Variants in DCC observed in about 807,000 individuals in gnomAD.
DCC encodes the protein netrin receptor DCC.
DCC carries 58 observed loss-of-function variants against 172.5 expected under a neutral mutation model. The ratio of observed to expected loss-of-function variants is 0.34; its 90% confidence interval spans 0.27 to 0.42. DCC has a LOEUF of 0.42. DCC is among the 10% of genes least tolerant of loss of function. The pLI is 1.00. For missense variants in DCC, 1,740 were observed against 1,791.0 expected, an observed-to-expected ratio of 0.97 and a Z score of 0.51; for synonymous variants, 709 against 644.5, an observed-to-expected ratio of 1.10 and a Z score of -1.52.
chr18:53,067,261 C>T (rs1446160562), intron 7 of DCC, among the ~76,000 whole-genome samples: 3 of 152,092 alleles, frequency 2.0e-5, no homozygotes, highest in Non-Finnish European at 4.4e-5. Flanking sequence ...TGGCTCATGC[C>T]TGTAATTCCA....
chr18:52,355,510 GA>G (rs1355240910), intron 1 of DCC, among the ~76,000 whole-genome samples: 6 of 152,242 alleles, frequency 3.9e-5, no homozygotes, highest in Admixed American at 1.3e-4. Flanking sequence ...TGACATTTTT[GA>G]AAAACATTAC....
At chr18:53,432,281 A>G (rs987410119) in intron 21 of DCC, among the ~76,000 whole-genome samples, 5 of 152,188 alleles carry the variant, frequency 3.3e-5, no homozygotes, top group African/African-American at 1.2e-4. Context: ...ATAGGCCTGC[A>G]TAGGATCTGA....
rs536786740 is a variant in DCC, at chr18:53,035,614, C to T, written c.986-27691C>T. 1.2e-3 allele frequency among the ~76,000 whole-genome samples: 187 copies of T among 152,072 alleles called. 2 individuals are homozygous for T. The highest frequency in any genetic ancestry group is 0.011 in the South Asian group (52 of 4,818). On this transcript the variant is annotated intron_variant, in intron 5 of 28. Coordinates refer to ENST00000442544, the MANE Select transcript of DCC (RefSeq NM_005215.4). ...ATATTATGAGCATATTGCTCAAAGC[C>T]GCTTGCTTAAAGAGGAACATTATAG...
chr18:52,608,972 CAT>C (rs2034193743), intron 1 of DCC, among the ~76,000 whole-genome samples: 1 of 152,134 alleles, frequency 6.6e-6, no homozygotes. Flanking sequence ...CAGCAAATCC[CAT>C]AAACTCCAGT....
chr18:53,512,212 A>C (rs2046265498), intron 27 of DCC, among the ~76,000 whole-genome samples: 1 of 152,038 alleles, frequency 6.6e-6, no homozygotes, highest in African/African-American at 2.4e-5. Flanking sequence ...CTGACACCTC[A>C]CACGGCAGGG....
At position 52,864,688 on chromosome 18, in the gene DCC, C is replaced by T. The variant is rs148559568; in HGVS notation, c.413-41356C>T. On this transcript the variant is annotated intron_variant, in intron 2 of 28. Transcript: ENST00000442544. Reference sequence around the variant, plus strand: ...CCTAATGCTATCCTTCCCCAGCCCCCAATCCCCCCAACAGGCCCCAGTGTG... The same window carrying T: ...CCTAATGCTATCCTTCCCCAGCCCCTAATCCCCCCAACAGGCCCCAGTGTG... Among the ~76,000 whole-genome samples, 186 of 152,062 alleles carry T rather than the reference C, an allele frequency of 1.2e-3. 1 individual carries two copies. The East Asian group carries it at 0.033, about 27-fold the overall frequency.
chr18:52,980,802 C>T (rs1053403017), intron 5 of DCC, among the ~76,000 whole-genome samples: 1 of 152,032 alleles, frequency 6.6e-6, no homozygotes, highest in Non-Finnish European at 1.5e-5. Context: ...TCTAATTTAT[C>T]TCAAGAAATA....
At chr18:53,173,068 A>G (rs558526465) in intron 8 of DCC, among the ~76,000 whole-genome samples, 3 of 152,166 alleles carry the variant, frequency 2.0e-5, no homozygotes, top group Non-Finnish European at 4.4e-5. Flanking sequence ...CATGTGCTCA[A>G]TCTCTTTGAG....
intron 5 of DCC, among the ~76,000 whole-genome samples, chr18:53,035,436 A>G (rs2042080231): frequency 6.6e-6 from 1 of 152,148 alleles, no homozygotes; most frequent in Non-Finnish European, 1.5e-5. Context: ...GGATTTCACT[A>G]TCTGCAGTAT....
intron 5 of DCC, among the ~76,000 whole-genome samples, chr18:52,987,295 A>T (rs1202903343): frequency 6.6e-6 from 1 of 152,150 alleles, no homozygotes; most frequent in Non-Finnish European, 1.5e-5. Flanking sequence ...GCTACCAAAA[A>T]CAAAAACAAA....
chr18:52,731,943 T>A (rs894063009), intron 1 of DCC, among the ~76,000 whole-genome samples: 12 of 152,190 alleles, frequency 7.9e-5, no homozygotes, highest in African/African-American at 2.7e-4. Flanking sequence ...CTGAGATAGC[T>A]TCTTAGGAGT....
At chr18:52,507,030 A>G (rs2031254309) in intron 1 of DCC, among the ~76,000 whole-genome samples, 1 of 152,176 alleles carries the variant, frequency 6.6e-6, no homozygotes, top group Non-Finnish European at 1.5e-5. Flanking sequence ...GAATCCAAAG[A>G]TGATATATTG....
chr18:52,934,368 C>CT (rs2040351897), intron 5 of DCC, among the ~76,000 whole-genome samples: 1 of 152,028 alleles, frequency 6.6e-6, no homozygotes, highest in Non-Finnish European at 1.5e-5. Context: ...ATGTATTTCA[C>CT]TTTTTTCTGT....
chr18:53,340,750 A>C (rs2057650478), intron 15 of DCC, among the ~76,000 whole-genome samples: 1 of 152,162 alleles, frequency 6.6e-6, no homozygotes, highest in South Asian at 2.1e-4. Flanking sequence ...TCATAAAGCA[A>C]AATGTAAGTT....
At chr18:53,420,437 T>C (rs1599129534) in intron 21 of DCC, among the ~76,000 whole-genome samples, 1 of 152,160 alleles carries the variant, frequency 6.6e-6, no homozygotes, top group Admixed American at 6.6e-5. Flanking sequence ...GATAATTCAC[T>C]GTCTAAGCCA....
intron 1 of DCC, among the ~76,000 whole-genome samples, chr18:52,702,342 A>G (rs1418943057): frequency 6.6e-6 from 1 of 152,104 alleles, no homozygotes; most frequent in Non-Finnish European, 1.5e-5. Context: ...CATGCTCATC[A>G]TATCACTTTG....
chr18:52,947,712 G>T (rs1174101681), intron 5 of DCC, among the ~76,000 whole-genome samples: 10 of 152,176 alleles, frequency 6.6e-5, no homozygotes, highest in Admixed American at 6.5e-4. Context: ...CTTATGGAAG[G>T]GGCCGTTCCA....
At chr18:53,080,414 A>G (rs553975018) in intron 7 of DCC, among the ~76,000 whole-genome samples, 4 of 152,282 alleles carry the variant, frequency 2.6e-5, no homozygotes, top group South Asian at 2.1e-4. Flanking sequence ...CAGACTCTCA[A>G]TGACTCATTA....
At chr18:53,501,879 T>C (rs977566646) in intron 27 of DCC, among the ~76,000 whole-genome samples, 15 of 104,764 alleles carry the variant, frequency 1.4e-4, no homozygotes, top group African/African-American at 4.5e-4. Flanking sequence ...GGCATTTTTT[T>C]ACTAGTTATT....
Sources: gnomAD v4.1 joint callset for allele counts (sites outside exome capture counted in the v4.1 genomes callset) on GRCh38, gnomAD v4.1.1 for gene constraint, MANE v1.5 for transcripts, NCBI Gene and HGNC (gene_info 2026-07-23, HGNC 2026-07-21) for gene names.